Variants in ESRRG observed in about 807,000 individuals in gnomAD.
The protein encoded by ESRRG is estrogen related receptor gamma.
A neutral mutation model predicts 44.0 loss-of-function variants in ESRRG; 13 were observed. The ratio of observed to expected loss-of-function variants is 0.30; its 90% CI spans 0.19 to 0.47. The LOEUF is 0.47. Ranked by LOEUF, ESRRG falls within the 20% of genes least tolerant of loss-of-function variation. The probability of loss-of-function intolerance (pLI) is 1.00; values close to 1 mark genes in which losing one functional copy is unlikely to be tolerated. For synonymous variants in ESRRG, 215 were observed against 214.6 expected (o/e 1.00, Z -0.02); for missense variants, 395 against 580.6 (o/e 0.68, Z 3.29).
chr1:216,956,258 T>C (rs2067936173), intron 1 of ESRRG, among the ~76,000 whole-genome samples: 2 of 152,132 alleles, frequency 1.3e-5, no homozygotes, highest in South Asian at 4.1e-4. Flanking sequence ...CTTCTGCATA[T>C]AGATATCCAC....
intron 3 of ESRRG, among the ~76,000 whole-genome samples, chr1:216,646,225 G>T (rs927437534): frequency 8.6e-5 from 13 of 151,926 alleles, no homozygotes; most frequent in African/African-American, 3.1e-4. Flanking sequence ...ATTTCCTCAT[G>T]AAATTTCTGA....
chr1:216,546,728 T>C (rs1247343519), intron 5 of ESRRG, among the ~76,000 whole-genome samples: 1 of 151,904 alleles, frequency 6.6e-6, no homozygotes, highest in Non-Finnish European at 1.5e-5. Context: ...CTAGTCTACA[T>C]TAGTAATTTG....
chr1:216,709,080 A>G (rs929858886), intron 1 of ESRRG, among the ~76,000 whole-genome samples: 1 of 152,084 alleles, frequency 6.6e-6, no homozygotes, highest in East Asian at 1.9e-4. Flanking sequence ...TGGGGGGCTA[A>G]GGGAGGGATA....
chr1:216,876,167 C>A (rs1488041504), intron 2 of ESRRG, among the ~76,000 whole-genome samples: 2 of 151,342 alleles, frequency 1.3e-5, no homozygotes, highest in African/African-American at 4.9e-5. Context: ...CTTGGATTAT[C>A]CCACAGAGAG....
intron 2 of ESRRG, among the ~76,000 whole-genome samples, chr1:216,781,453 T>A (rs1450181555): frequency 6.6e-6 from 1 of 152,022 alleles, no homozygotes; most frequent in Non-Finnish European, 1.5e-5. Flanking sequence ...TTTCTCAACA[T>A]CCAACAATGG....
chr1:217,127,649 C>T (rs2092909563), intron 1 of ESRRG, among the ~76,000 whole-genome samples: 1 of 152,192 alleles, frequency 6.6e-6, no homozygotes, highest in Non-Finnish European at 1.5e-5. Flanking sequence ...GACTTAAAAA[C>T]CCAGCTCTGC....
chr1:217,023,817 T>G (rs898304875), intron 1 of ESRRG, among the ~76,000 whole-genome samples: 2 of 152,022 alleles, frequency 1.3e-5, no homozygotes, highest in African/African-American at 4.8e-5. Flanking sequence ...AATCAGAACC[T>G]CTGTCAAACA....
intron 1 of ESRRG, among the ~76,000 whole-genome samples, chr1:217,019,050 G>A (rs890480936): frequency 7.2e-5 from 11 of 152,100 alleles, no homozygotes; most frequent in Non-Finnish European, 1.5e-4. Flanking sequence ...TATATGAAAA[G>A]CCACCACTCA....
At chr1:216,723,199 G>T in intron 1 of ESRRG, 45 bp downstream of exon 1, 4 of 659,804 alleles carry the variant, frequency 6.1e-6, no homozygotes, top group Non-Finnish European at 7.6e-6. Context: ...CCCCACCCCC[G>T]CACCCCCACG....
intron 1 of ESRRG, among the ~76,000 whole-genome samples, chr1:217,062,780 T>C (rs894372746): frequency 6.6e-6 from 1 of 152,196 alleles, no homozygotes; most frequent in African/African-American, 2.4e-5. Context: ...CAGTTTCAAA[T>C]GTTTCTTAAC....
chr1:217,109,837 G>C (rs1253030868), intron 1 of ESRRG, among the ~76,000 whole-genome samples: 3 of 152,158 alleles, frequency 2.0e-5, no homozygotes, highest in African/African-American at 7.2e-5. Context: ...GAGGCTAGGG[G>C]CAAAATGGCC....
At chr1:216,854,688 G>A (rs1339230685) in intron 2 of ESRRG, among the ~76,000 whole-genome samples, 1 of 152,162 alleles carries the variant, frequency 6.6e-6, no homozygotes, top group Non-Finnish European at 1.5e-5. Context: ...AGTCTTGGCT[G>A]ATGGATACCA....
chr1:216,789,186 T>C (rs938822783), intron 2 of ESRRG, among the ~76,000 whole-genome samples: 2 of 152,118 alleles, frequency 1.3e-5, no homozygotes, highest in East Asian at 1.9e-4. Flanking sequence ...TCAAGAAGCA[T>C]TGCATGCAAC....
chr1:216,577,292 C>T (rs1018049718), intron 3 of ESRRG, among the ~76,000 whole-genome samples: 21 of 151,892 alleles, frequency 1.4e-4, no homozygotes, highest in African/African-American at 5.1e-4. Flanking sequence ...CTAAAAATTT[C>T]CTAAACTATT....
chr1:217,015,375 C>T (rs1429675365), intron 1 of ESRRG, among the ~76,000 whole-genome samples: 1 of 152,158 alleles, frequency 6.6e-6, no homozygotes, highest in Non-Finnish European at 1.5e-5. Flanking sequence ...TTCAGATGTA[C>T]ACTACCTAAA....
chr1:217,077,615 A>C (rs909376906), intron 1 of ESRRG, among the ~76,000 whole-genome samples: 2 of 152,220 alleles, frequency 1.3e-5, no homozygotes, highest in Admixed American at 6.5e-5. Flanking sequence ...TTAAACAGAT[A>C]TATACAAGAC....
chr1:217,034,910 T>C (rs2082615936), intron 1 of ESRRG, among the ~76,000 whole-genome samples: 2 of 152,206 alleles, frequency 1.3e-5, no homozygotes, highest in South Asian at 4.1e-4. Context: ...ATTTCCTGCA[T>C]TGCATGGAAA....
chr1:217,004,440 C>T (rs896872388), intron 1 of ESRRG, among the ~76,000 whole-genome samples: 1 of 152,142 alleles, frequency 6.6e-6, no homozygotes, highest in African/African-American at 2.4e-5. Context: ...TGCCTACCAC[C>T]ATGTAAGACA....
intron 2 of ESRRG, among the ~76,000 whole-genome samples, chr1:216,733,761 G>A (rs12090836): frequency 0.062 from 9,464 of 151,878 alleles, 368 homozygotes; most frequent in African/African-American, 0.091. Context: ...GAGCCTGAGG[G>A]GGGCGGATCA....
Sources: allele counts gnomAD v4.1 joint callset (sites outside exome capture counted in the v4.1 genomes callset), GRCh38; gene constraint gnomAD v4.1.1; transcripts MANE v1.5; gene names NCBI Gene and HGNC (gene_info 2026-07-23, HGNC 2026-07-21).